UNC5D: variants seen among roughly 807,000 people sequenced by gnomAD.
UNC5D encodes the protein unc-5 netrin receptor D.
Under a neutral mutation model 105.4 loss-of-function variants are expected in UNC5D, and 39 were observed. The observed-to-expected ratio is 0.37, with a 90% CI of 0.29 to 0.48. UNC5D has a LOEUF of 0.48. UNC5D is among the 20% of genes least tolerant of loss of function. UNC5D has a pLI of 0.98. For missense variants in UNC5D, 991 were observed against 1,202.4 expected (o/e 0.82, Z 2.60); for synonymous variants, 452 against 450.4 (o/e 1.00, Z -0.04).
intron 4 of UNC5D, among the ~76,000 whole-genome samples, chr8:35,611,938 T>C (rs1820713708): frequency 6.6e-6 from 1 of 152,242 alleles, no homozygotes; most frequent in Admixed American, 6.5e-5. Context: ...CAATAAACCC[T>C]GATTTACTGA....
chr8:35,599,900 C>T (rs925134082), intron 4 of UNC5D, among the ~76,000 whole-genome samples: 1 of 152,150 alleles, frequency 6.6e-6, no homozygotes, highest in African/African-American at 2.4e-5. Flanking sequence ...GTGCTGCACC[C>T]ATTAACTCGT....
chr8:35,612,723 C>CTTTTTT lies in UNC5D; in HGVS notation c.570+17086_570+17091dup, dbSNP rs57450378. Among the ~76,000 whole-genome samples the CTTTTTT allele has an allele frequency of 8.0e-4, 52 of 64,730 alleles. 1 individual carries two copies. Among genetic ancestry groups the CTTTTTT allele is most frequent in the African/African-American group, 3.1e-3 (43 of 14,056 alleles). 42.5% of individuals were successfully genotyped at this position (64,730 alleles called of 152,430 possible). On this transcript the variant is annotated intron_variant, in intron 4 of 16. Coordinates refer to ENST00000404895, the MANE Select transcript of UNC5D (RefSeq NM_080872.4). ...TATTAGAAACTGCTAAATGTTTTGC[C>CTTTTTT]TTTTTTTTTTTTTTTTTTTTTTTTT...
chr8:35,253,102 G>A (rs1451280327), intron 1 of UNC5D, among the ~76,000 whole-genome samples: 1 of 151,534 alleles, frequency 6.6e-6, no homozygotes, highest in African/African-American at 2.4e-5. Context: ...GAGCAAGCTA[G>A]TCTGTGTGTG....
intron 1 of UNC5D, among the ~76,000 whole-genome samples, chr8:35,270,435 G>C (rs575567675): frequency 2.0e-4 from 30 of 152,214 alleles, no homozygotes; most frequent in Non-Finnish European, 1.5e-5. Flanking sequence ...CTCAGGAGAC[G>C]AGCTTTATGA....
chr8:35,481,766 C>T (rs562791975), intron 1 of UNC5D, among the ~76,000 whole-genome samples: 8 of 152,266 alleles, frequency 5.3e-5, no homozygotes, highest in African/African-American at 1.9e-4. Flanking sequence ...TATTTAATAA[C>T]TGGATTTTGC....
chr8:35,406,313 A>T (rs1001951847), intron 1 of UNC5D, among the ~76,000 whole-genome samples: 1 of 152,202 alleles, frequency 6.6e-6, no homozygotes, highest in Non-Finnish European at 1.5e-5. Flanking sequence ...CAAATTGCAC[A>T]TATTTTTAGA....
intron 3 of UNC5D, among the ~76,000 whole-genome samples, chr8:35,594,000 A>G (rs1180290024): frequency 1.3e-5 from 2 of 152,176 alleles, no homozygotes; most frequent in Non-Finnish European, 2.9e-5. Flanking sequence ...CAGTTTTGTT[A>G]TCAGGTATGT....
chr8:35,616,724 C>A (rs929847149), intron 4 of UNC5D, among the ~76,000 whole-genome samples: 1 of 152,082 alleles, frequency 6.6e-6, no homozygotes, highest in Non-Finnish European at 1.5e-5. Context: ...TAGGGTTTTT[C>A]AAAAATATAA....
At chr8:35,774,627 G>C in intron 16 of UNC5D, 150 bp downstream of exon 16, 1 of 1,086,050 alleles carries the variant, frequency 9.2e-7, no homozygotes, top group Non-Finnish European at 1.3e-6. Context: ...AGTAAGTGGG[G>C]AAAGAGCAAG....
chr8:35,351,756 T>C (rs1438169562), intron 1 of UNC5D, among the ~76,000 whole-genome samples: 2 of 152,180 alleles, frequency 1.3e-5, no homozygotes, highest in Non-Finnish European at 2.9e-5. Context: ...GAATTGTATA[T>C]GATAAGGGTT....
chr8:35,487,593 A>ACACACACACACACACACACCCCCCCC (rs1415748793), intron 1 of UNC5D, among the ~76,000 whole-genome samples: 1 of 150,470 alleles, frequency 6.6e-6, no homozygotes, highest in African/African-American at 2.5e-5. Flanking sequence ...ACACACACAC[A>ACACACACACACACACACACCCCCCCC]CCCCACAGAC....
chr8:35,515,765 A>G (rs1209097141), intron 1 of UNC5D, among the ~76,000 whole-genome samples: 1 of 152,090 alleles, frequency 6.6e-6, no homozygotes, highest in Non-Finnish European at 1.5e-5. Flanking sequence ...ATATAAAACT[A>G]TTTTTTCCTT....
chr8:35,392,769 C>T (rs1803856448), intron 1 of UNC5D, among the ~76,000 whole-genome samples: 1 of 152,094 alleles, frequency 6.6e-6, no homozygotes, highest in South Asian at 2.1e-4. Context: ...TGTCATTTGG[C>T]CTATCATATG....
At chr8:35,667,070 A>G (rs573490498) in intron 4 of UNC5D, among the ~76,000 whole-genome samples, 22 of 152,294 alleles carry the variant, frequency 1.4e-4, no homozygotes, top group African/African-American at 4.3e-4. Context: ...AAAACAATAT[A>G]GGAGAGTTTG....
At chr8:35,550,893 A>T (rs1479723671) in intron 2 of UNC5D, among the ~76,000 whole-genome samples, 1 of 152,196 alleles carries the variant, frequency 6.6e-6, no homozygotes, top group Non-Finnish European at 1.5e-5. Flanking sequence ...AAACATTAGT[A>T]AATGAAGAAA....
At chr8:35,766,184 T>G (rs1482844385) in intron 14 of UNC5D, among the ~76,000 whole-genome samples, 1 of 152,162 alleles carries the variant, frequency 6.6e-6, no homozygotes, top group East Asian at 1.9e-4. Flanking sequence ...TTCTTGTTTC[T>G]TATTGTTTAC....
chr8:35,271,749 A>AGGTATACATATATATGTATACC (rs1805412098), intron 1 of UNC5D, among the ~76,000 whole-genome samples: 1 of 97,346 alleles, frequency 1.0e-5, no homozygotes, highest in African/African-American at 4.3e-5. Context: ...ATATTTATAC[A>AGGTATACATATATATGTATACC]TGTATACATG....
At chr8:35,353,991 G>C (rs1018845951) in intron 1 of UNC5D, among the ~76,000 whole-genome samples, 1 of 152,074 alleles carries the variant, frequency 6.6e-6, no homozygotes, top group Admixed American at 6.6e-5. Context: ...AGCTTGGATA[G>C]TTTAAGTAAA....
chr8:35,619,728 T>C (rs751582004), intron 4 of UNC5D, among the ~76,000 whole-genome samples: 1 of 152,242 alleles, frequency 6.6e-6, no homozygotes, highest in East Asian at 1.9e-4. Context: ...CAGACTTGTA[T>C]ACAATCTTAA....
Sources: gnomAD v4.1 joint callset for allele counts (sites outside exome capture counted in the v4.1 genomes callset) on GRCh38, gnomAD v4.1.1 for gene constraint, MANE v1.5 for transcripts, NCBI Gene and HGNC (gene_info 2026-07-23, HGNC 2026-07-21) for gene names.